PCP4: variants seen among roughly 807,000 people sequenced by gnomAD.
The protein encoded by PCP4 is calmodulin regulator protein PCP4.
PCP4 carries 8 observed loss-of-function variants against 10.0 expected under a neutral mutation model. The ratio of observed to expected loss-of-function variants is 0.80; its 90% CI spans 0.47 to 1.45. PCP4 has a LOEUF of 1.45. Among genes scored for constraint, PCP4 ranks in the 40% most tolerant of loss-of-function variants. The probability of loss-of-function intolerance (pLI) is 0.00; values close to 1 mark genes in which losing one functional copy is unlikely to be tolerated. For synonymous variants in PCP4, 21 were observed against 23.0 expected (o/e 0.91, Z 0.24); for missense variants, 54 against 74.4 (o/e 0.73, Z 1.01).
intron 2 of PCP4, chr21:39,925,940 G>T (rs1466046866): frequency 4.6e-6 from 2 of 435,118 alleles, no homozygotes; most frequent in Non-Finnish European, 9.3e-6. Context: ...TGTGCCTGCT[G>T]AATCTGGGGT....
At chr21:39,926,119 A>T (rs2087620154) in intron 2 of PCP4, 1 of 455,338 alleles carries the variant, frequency 2.2e-6, no homozygotes, top group Admixed American at 2.4e-5. Context: ...CTCCTCTAAC[A>T]GCATCTGACC....
chr21:39,883,238 T>TG lies in PCP4; in HGVS notation c.10-15232dup, dbSNP rs796619006. Among the ~76,000 whole-genome samples, 48 of 152,196 alleles carry TG rather than the reference T, an allele frequency of 3.2e-4. 1 individual carries two copies. Among genetic ancestry groups the TG allele is most frequent in the African/African-American group, 1.1e-3 (47 of 41,512 alleles). ...GTTGCCAAGGGTGGCTTGGTGGGGTTGGGGGGTGCAGGTGAATTTGGCTGT... is the reference window on the plus strand; with the variant it reads ...GTTGCCAAGGGTGGCTTGGTGGGGTTGGGGGGGTGCAGGTGAATTTGGCTGT... On this transcript the variant is annotated intron_variant, in intron 1 of 2. Transcript: ENST00000328619.
rs2087467901 is a variant in PCP4 at position 39,898,470 on chromosome 21, C to T, written c.10-6C>T. On this transcript the variant is annotated splice_polypyrimidine_tract_variant and splice_region_variant and intron_variant, in intron 1 of 2. Coordinates refer to ENST00000328619, the MANE Select transcript of PCP4 (RefSeq NM_006198.3). ...ATTGCTTTTTTCTTTTATTTTTTGC[C>T]TTTAGCGACAAGGTGCTGGGGCAAC... 6.2e-7 allele frequency: 1 copy of T among 1,613,016 alleles called. No individual in the cohort carries two copies. The highest frequency in any genetic ancestry group is 8.5e-7 in the Non-Finnish European group (1 of 1,179,284).
chr21:39,896,054 A>G (rs1218247266), intron 1 of PCP4, among the ~76,000 whole-genome samples: 1 of 152,218 alleles, frequency 6.6e-6, no homozygotes, highest in African/African-American at 2.4e-5. Flanking sequence ...ACCTGACATA[A>G]AAACCCCATC....
At chr21:39,914,575 A>AAAAG (rs2087559133) in intron 2 of PCP4, among the ~76,000 whole-genome samples, 1 of 150,608 alleles carries the variant, frequency 6.6e-6, no homozygotes, top group Admixed American at 6.6e-5. Context: ...AGCTGTCTCA[A>AAAAG]AAAAAAAAAA....
At chr21:39,912,051 A>G (rs140246832) in intron 2 of PCP4, among the ~76,000 whole-genome samples, 182 of 152,368 alleles carry the variant, frequency 1.2e-3, no homozygotes, top group African/African-American at 4.2e-3. Context: ...AAAAGGTCAG[A>G]TGCTACTGCT....
chr21:39,888,091 G>T (rs1196456473), intron 1 of PCP4, among the ~76,000 whole-genome samples: 1 of 152,200 alleles, frequency 6.6e-6, no homozygotes, highest in Non-Finnish European at 1.5e-5. Context: ...CATTAGAAGT[G>T]TTGATATCAG....
At chr21:39,886,692 A>G (rs1460410481) in intron 1 of PCP4, among the ~76,000 whole-genome samples, 1 of 152,230 alleles carries the variant, frequency 6.6e-6, no homozygotes, top group Non-Finnish European at 1.5e-5. Flanking sequence ...TGGGCTGGAC[A>G]TTTCACTGTG....
chr21:39,905,693 C>T (rs556243769), intron 2 of PCP4, among the ~76,000 whole-genome samples: 1 of 152,156 alleles, frequency 6.6e-6, no homozygotes, highest in African/African-American at 2.4e-5. Context: ...GCCTTGTGGA[C>T]AGAAGCGGAG....
chr21:39,905,819 C>G (rs574994680), intron 2 of PCP4, among the ~76,000 whole-genome samples: 3 of 152,184 alleles, frequency 2.0e-5, no homozygotes, highest in Middle Eastern at 6.8e-3. Context: ...GAGGCTGAGG[C>G]GGGTGGATCA....
intron 1 of PCP4, among the ~76,000 whole-genome samples, chr21:39,880,483 G>A (rs912250103): frequency 1.3e-5 from 2 of 152,114 alleles, no homozygotes; most frequent in African/African-American, 2.4e-5. Context: ...GTGTGCATGC[G>A]TGTGAGTGTG....
intron 2 of PCP4, among the ~76,000 whole-genome samples, chr21:39,921,892 A>G (rs774398121): frequency 2.0e-5 from 3 of 152,234 alleles, no homozygotes; most frequent in Non-Finnish European, 2.9e-5. Flanking sequence ...CTGCTGATGG[A>G]CTATGGGACT....
At chr21:39,871,053 G>T (rs921738861) in intron 1 of PCP4, among the ~76,000 whole-genome samples, 2 of 152,276 alleles carry the variant, frequency 1.3e-5, no homozygotes, top group South Asian at 4.1e-4. Context: ...TAATGTATAC[G>T]TTAAAACGTA....
chr21:39,885,045 T>C (rs1056425620), intron 1 of PCP4, among the ~76,000 whole-genome samples: 1 of 152,236 alleles, frequency 6.6e-6, no homozygotes, highest in Non-Finnish European at 1.5e-5. Context: ...TGTTACTTTA[T>C]AATGAATAGC....
intron 2 of PCP4, among the ~76,000 whole-genome samples, chr21:39,907,435 C>T (rs1032647036): frequency 2.0e-5 from 3 of 152,148 alleles, no homozygotes; most frequent in East Asian, 1.9e-4. Context: ...TCTGGAGGAG[C>T]GGACAGACAG....
chr21:39,893,141 C>T (rs1003105745), intron 1 of PCP4, among the ~76,000 whole-genome samples: 5 of 152,202 alleles, frequency 3.3e-5, no homozygotes, highest in African/African-American at 1.2e-4. Flanking sequence ...CTCTCTCTTT[C>T]ACTTCTGGCA....
intron 1 of PCP4, among the ~76,000 whole-genome samples, chr21:39,875,662 C>A (rs1191376522): frequency 6.6e-6 from 1 of 152,178 alleles, no homozygotes; most frequent in Non-Finnish European, 1.5e-5. Flanking sequence ...TGGGAACTAT[C>A]TTTTCAATCT....
chr21:39,910,193 A>G (rs2299781), intron 2 of PCP4, among the ~76,000 whole-genome samples: 25,420 of 152,192 alleles, frequency 0.17, 2,301 homozygotes, highest in East Asian at 0.35. Context: ...TCAGAGAGAC[A>G]CTTTAGTGGC....
chr21:39,875,672 T>C (rs1336062575), intron 1 of PCP4, among the ~76,000 whole-genome samples: 1 of 152,240 alleles, frequency 6.6e-6, no homozygotes, highest in Non-Finnish European at 1.5e-5. Context: ...CTTTTCAATC[T>C]TCCTGCAGAT....
Sources: gnomAD v4.1 joint callset for allele counts (sites outside exome capture counted in the v4.1 genomes callset) on GRCh38, gnomAD v4.1.1 for gene constraint, MANE v1.5 for transcripts, NCBI Gene and HGNC (gene_info 2026-07-23, HGNC 2026-07-21) for gene names.